CHRM3: variants seen among roughly 807,000 people sequenced by gnomAD.
The protein encoded by CHRM3 is muscarinic acetylcholine receptor M3.
A neutral mutation model predicts 41.8 loss-of-function variants in CHRM3; 11 were observed. The observed-to-expected ratio is 0.26, with a 90% CI of 0.17 to 0.44. The LOEUF (loss-of-function observed/expected upper bound fraction) is 0.44, where lower values mean the gene tolerates loss of function less well. CHRM3 is among the 20% of genes least tolerant of loss of function. CHRM3 has a pLI of 1.00. For missense variants in CHRM3, 571 were observed against 745.4 expected, an observed-to-expected ratio of 0.77 and a Z score of 2.72; for synonymous variants, 297 against 301.4, an observed-to-expected ratio of 0.99 and a Z score of 0.15.
At chr1:239,567,646 G>A (rs1186377883) in intron 3 of CHRM3, among the ~76,000 whole-genome samples, 6 of 152,114 alleles carry the variant, frequency 3.9e-5, no homozygotes, top group Non-Finnish European at 8.8e-5. Context: ...TACCCCCACA[G>A]GTCAAAATTA....
chr1:239,560,004 C>G (rs1660712601), intron 3 of CHRM3, among the ~76,000 whole-genome samples: 1 of 152,190 alleles, frequency 6.6e-6, no homozygotes, highest in South Asian at 2.1e-4. Flanking sequence ...GGACTAACTA[C>G]ATACCACTTA....
rs906744587 is a variant in CHRM3, at chr1:239,804,107, C to T, written c.-146-23145C>T. On this transcript the variant is annotated intron_variant, in intron 5 of 6. Transcript: ENST00000676153. ...GTCCCTTCTCAGGGAGCTTTTATCT[C>T]TCCTTAGTGATGACAGGTTTATGAT... 2.0e-5 allele frequency among the ~76,000 whole-genome samples: 3 copies of T among 152,154 alleles called. No homozygotes were observed. The East Asian group carries it at 5.8e-4, about 29-fold the overall frequency.
At chr1:239,819,392 T>C (rs1671852295) in intron 5 of CHRM3, among the ~76,000 whole-genome samples, 1 of 152,204 alleles carries the variant, frequency 6.6e-6, no homozygotes, top group Non-Finnish European at 1.5e-5. Context: ...TCAGCTATCA[T>C]TTTGGGTCCT....
intron 1 of CHRM3, among the ~76,000 whole-genome samples, chr1:239,413,606 A>G (rs1046819594): frequency 2.6e-5 from 4 of 152,184 alleles, no homozygotes; most frequent in African/African-American, 9.7e-5. Context: ...GTAGGGTTCT[A>G]CATTTTGTGA....
intron 1 of CHRM3, among the ~76,000 whole-genome samples, chr1:239,479,231 G>T (rs983596184): frequency 1.0e-5 from 1 of 99,112 alleles, no homozygotes; most frequent in Non-Finnish European, 2.2e-5. Flanking sequence ...CACACACACA[G>T]AAAAACAGAG....
intron 5 of CHRM3, among the ~76,000 whole-genome samples, chr1:239,700,630 G>A (rs776416254): frequency 6.6e-6 from 1 of 152,080 alleles, no homozygotes; most frequent in Non-Finnish European, 1.5e-5. Context: ...AGTCCCACTG[G>A]CATCTTAATG....
Position 239,787,669 on chromosome 1 carries a change from C to CA in CHRM3, c.-146-39582dup, listed in dbSNP as rs141543901. Among the ~76,000 whole-genome samples the CA allele has an allele frequency of 2.2e-4, 33 of 152,256 alleles. No homozygotes were observed. In the East Asian group the frequency reaches 6.4e-3, roughly 30 times the overall value. ...GGCCCATGCTGAGGGGAAGCGGGAACAGCTACCTCACACTCCTCTGTTAAT... is the reference window on the plus strand; with the variant it reads ...GGCCCATGCTGAGGGGAAGCGGGAACAAGCTACCTCACACTCCTCTGTTAAT... On this transcript the variant is annotated intron_variant, in intron 5 of 6. Coordinates refer to ENST00000676153, the MANE Select transcript of CHRM3 (RefSeq NM_001375978.1).
chr1:239,551,054 A>G (rs1172638959), intron 3 of CHRM3, among the ~76,000 whole-genome samples: 6 of 151,338 alleles, frequency 4.0e-5, no homozygotes, highest in Non-Finnish European at 8.8e-5. Context: ...TACATGCTAT[A>G]TAATTTATAT....
At chr1:239,864,664 G>A (rs918200037) in intron 6 of CHRM3, among the ~76,000 whole-genome samples, 2 of 152,096 alleles carry the variant, frequency 1.3e-5, no homozygotes, top group Non-Finnish European at 2.9e-5. Flanking sequence ...TCATTAAATC[G>A]GGAATAAGAC....
chr1:239,580,270 A>T (rs1662746724), intron 3 of CHRM3, among the ~76,000 whole-genome samples: 2 of 137,822 alleles, frequency 1.5e-5, no homozygotes, highest in African/African-American at 5.6e-5. Context: ...ACACACACAC[A>T]CACACACACA....
intron 1 of CHRM3, among the ~76,000 whole-genome samples, chr1:239,401,959 C>T (rs574129431): frequency 6.6e-6 from 1 of 152,262 alleles, no homozygotes; most frequent in South Asian, 2.1e-4. Flanking sequence ...TAAGTCACTG[C>T]CTGGAGATGA....
chr1:239,621,089 T>C (rs1376866982), intron 3 of CHRM3, among the ~76,000 whole-genome samples: 2 of 152,184 alleles, frequency 1.3e-5, no homozygotes, highest in Non-Finnish European at 2.9e-5. Flanking sequence ...CTTGTAGTAT[T>C]TCAAGCTTTT....
At chr1:239,791,398 C>T (rs1017022538) in intron 5 of CHRM3, among the ~76,000 whole-genome samples, 1 of 152,182 alleles carries the variant, frequency 6.6e-6, no homozygotes, top group Admixed American at 6.5e-5. Context: ...AACCACCATG[C>T]CCAGCCAGTA....
chr1:239,806,474 G>T (rs193147675), intron 5 of CHRM3, among the ~76,000 whole-genome samples: 39 of 151,670 alleles, frequency 2.6e-4, no homozygotes, highest in African/African-American at 8.7e-4. Context: ...TGTAATTGTT[G>T]AATCTATTGG....
At chr1:239,611,581 C>T (rs561972794) in intron 3 of CHRM3, among the ~76,000 whole-genome samples, 4 of 152,026 alleles carry the variant, frequency 2.6e-5, no homozygotes, top group East Asian at 3.9e-4. Flanking sequence ...TCACCATGCC[C>T]GGCTAACTTT....
intron 4 of CHRM3, among the ~76,000 whole-genome samples, chr1:239,649,650 A>T (rs1364536450): frequency 6.6e-6 from 1 of 152,068 alleles, no homozygotes; most frequent in Admixed American, 6.6e-5. Flanking sequence ...TGTTTGTGAG[A>T]TGGTGGAGGT....
At chr1:239,449,735 T>G (rs558519962) in intron 1 of CHRM3, among the ~76,000 whole-genome samples, 2 of 146,410 alleles carry the variant, frequency 1.4e-5, no homozygotes, top group East Asian at 3.9e-4. Context: ...CACATTCTGG[T>G]GTGTGTGTGT....
At chr1:239,496,380 T>C (rs1667881293) in intron 2 of CHRM3, among the ~76,000 whole-genome samples, 1 of 152,144 alleles carries the variant, frequency 6.6e-6, no homozygotes, top group Non-Finnish European at 1.5e-5. Context: ...TTTCCTCATT[T>C]GTTAAATATA....
chr1:239,525,723 C>T (rs1040369730), intron 2 of CHRM3, among the ~76,000 whole-genome samples: 6 of 152,208 alleles, frequency 3.9e-5, no homozygotes, highest in African/African-American at 1.4e-4. Flanking sequence ...ATTTGCAACT[C>T]TCCAACTGCT....
Sources: allele counts gnomAD v4.1 joint callset (sites outside exome capture counted in the v4.1 genomes callset), GRCh38; gene constraint gnomAD v4.1.1; transcripts MANE v1.5; gene names NCBI Gene and HGNC (gene_info 2026-07-23, HGNC 2026-07-21).